The following ANXA2 variants were observed in gnomAD, a reference collection of about 807,000 sequenced individuals.
ANXA2 encodes annexin A2.
Under a neutral mutation model 47.3 loss-of-function variants are expected in ANXA2, and 28 were observed. The ratio of observed to expected loss-of-function variants is 0.59; its 90% CI spans 0.44 to 0.81. The LOEUF is 0.81. ANXA2 is among the 40% of genes least tolerant of loss of function. The pLI is 0.00. For missense variants in ANXA2, 384 were observed against 414.3 expected, an observed-to-expected ratio of 0.93 and a Z score of 0.64; for synonymous variants, 172 against 155.5, an observed-to-expected ratio of 1.11 and a Z score of -0.79.
At position 60,364,335 on chromosome 15, in the gene ANXA2, C is replaced by A. The variant is rs1171148243; in HGVS notation, c.243+94G>T. 6.3e-6 allele frequency: 6 copies of A among 957,976 alleles called. No homozygotes were observed. The Admixed American group carries it at 1.4e-4, about 22-fold the overall frequency. 59.3% of individuals were successfully genotyped at this position (957,976 alleles called of 1,614,324 possible). Reference sequence around the variant, plus strand: ...ATCCAAGGGTCCCACAAGTCTTTTGCGCATGAGAGCCACAATTCATGAAAA... The same window carrying A: ...ATCCAAGGGTCCCACAAGTCTTTTGAGCATGAGAGCCACAATTCATGAAAA... On this transcript the variant is annotated intron_variant, in intron 4 of 12. Coordinates refer to ENST00000451270, the MANE Select transcript of ANXA2 (RefSeq NM_004039.3).
rs757412970 is a variant in ANXA2, at chr15:60,397,864, G to A, written c.-12+79C>T. 10 of 1,385,200 alleles carry A rather than the reference G, an allele frequency of 7.2e-6. No homozygotes were observed. In the Admixed American group the frequency reaches 1.2e-4, roughly 17 times the overall value. 85.8% of individuals were successfully genotyped at this position (1,385,200 alleles called of 1,614,324 possible). On this transcript the variant is annotated intron_variant, in intron 1 of 12. Transcript: ENST00000451270. ...CCAGTTGCCGGGGCCTCCCTGCCAG[G>A]CCGTACCCTTCTTCCCAGCGTCTCC...
rs778671622 is a variant in ANXA2 at position 60,352,503 on chromosome 15, T to G, written c.589-27A>C. The G allele has an allele frequency of 4.0e-6, 6 of 1,518,358 alleles. No homozygotes were observed. The highest frequency in any genetic ancestry group is 5.5e-6 in the Non-Finnish European group (6 of 1,096,818). 94.1% of individuals were successfully genotyped at this position (1,518,358 alleles called of 1,614,324 possible). On this transcript the variant is annotated intron_variant, in intron 8 of 12. Coordinates refer to ENST00000451270, the MANE Select transcript of ANXA2 (RefSeq NM_004039.3). The surrounding 1 kb of genome is among the most constrained non-coding windows in gnomAD (Gnocchi z 4.2). ...TACGAGTACAACCAACCAGGAAAAG[T>G]TAACTACACATCCAATGTAACGTCA...
intron 6 of ANXA2, 82 bp from the exon 7 acceptor site, chr15:60,356,080 A>T (rs769184141): frequency 1.9e-6 from 2 of 1,074,104 alleles, no homozygotes; most frequent in Non-Finnish European, 2.9e-6. Context: ...TCCCACTAAG[A>T]CTCTGAGAAG....
At chr15:60,355,766 C>G (rs751577882) in intron 7 of ANXA2, 153 bp downstream of exon 7, 7 of 735,496 alleles carry the variant, frequency 9.5e-6, no homozygotes, top group Non-Finnish European at 1.5e-5. Flanking sequence ...AAATTGACAA[C>G]TCTGCAGTGA....
At chr15:60,394,932 TG>T (rs773040980) in intron 1 of ANXA2, among the ~76,000 whole-genome samples, 18 of 152,184 alleles carry the variant, frequency 1.2e-4, no homozygotes, top group Non-Finnish European at 2.4e-4. Flanking sequence ...GAATTTCCTC[TG>T]GTGTGGCCTA....
chr15:60,387,122 G>A (rs2062943630), intron 1 of ANXA2: 4 of 152,180 alleles, frequency 2.6e-5, no homozygotes, highest in Admixed American at 2.6e-4. Context: ...CTAACTTATA[G>A]GAACATTTTG....
intron 3 of ANXA2, among the ~76,000 whole-genome samples, chr15:60,364,832 C>T (rs946224437): frequency 6.6e-6 from 1 of 151,724 alleles, no homozygotes; most frequent in African/African-American, 2.4e-5. Flanking sequence ...ATATGTGGGG[C>T]TTTGGCAGTC....
chr15:60,383,320 G>C (rs2062888697), intron 2 of ANXA2: 1 of 152,294 alleles, frequency 6.6e-6, no homozygotes, highest in South Asian at 2.1e-4. Flanking sequence ...GTAGAGACAG[G>C]ATTTCGCCGT....
In ANXA2 at chr15:60,349,186, C is replaced by T. The variant is rs769044999; in HGVS notation, c.849G>A (p.Thr283=). The change falls in exon 12 of 13, where the codon ACG becomes ACA. Residue 283 remains threonine (T), a synonymous_variant. Transcript: ENST00000451270. The stretch of plus-strand genomic sequence containing the variant: ...TGATTCTGATCAGGACCTTATCTCG[C>T]GTCCCCTTGCCCTGAAAATCAAGTT... ...RLYDSMKGKG[T]RDKVLIRIMV... The T allele has an allele frequency of 1.1e-5, 18 of 1,613,838 alleles. No homozygotes were observed. The highest frequency in any genetic ancestry group is 6.7e-5 in the East Asian group (3 of 44,894).
chr15:60,373,883 G>C (rs2062742431), intron 3 of ANXA2, among the ~76,000 whole-genome samples: 1 of 152,244 alleles, frequency 6.6e-6, no homozygotes, highest in Non-Finnish European at 1.5e-5. Context: ...ATGGGGCAAA[G>C]AAAGATAGAG....
At chr15:60,366,190 G>A (rs1050110342) in intron 3 of ANXA2, among the ~76,000 whole-genome samples, 5 of 146,654 alleles carry the variant, frequency 3.4e-5, no homozygotes, top group African/African-American at 5.1e-5. Flanking sequence ...GCGTGATCTC[G>A]GCTCGCTACA....
intron 11 of ANXA2, among the ~76,000 whole-genome samples, chr15:60,349,464 T>C (rs575042268): frequency 6.6e-6 from 1 of 152,254 alleles, no homozygotes; most frequent in East Asian, 1.9e-4. Context: ...TAAATGAATC[T>C]CAAGTTTAGA....
At chr15:60,351,386 G>A (rs538503687) in intron 10 of ANXA2, 135 bp from the exon 11 acceptor site, 14 of 863,698 alleles carry the variant, frequency 1.6e-5, no homozygotes, top group Admixed American at 6.9e-5. Flanking sequence ...AAATAGGACA[G>A]GCTAAGGGAA....
At chr15:60,394,369 C>T (rs1421168883) in intron 1 of ANXA2, among the ~76,000 whole-genome samples, 3 of 152,138 alleles carry the variant, frequency 2.0e-5, no homozygotes, top group African/African-American at 7.2e-5. Context: ...CACTTGGGTG[C>T]TACCGACCTG....
chr15:60,397,452 G>T, intron 1 of ANXA2: 1 of 408,088 alleles, frequency 2.5e-6, no homozygotes, highest in Non-Finnish European at 3.4e-6. Flanking sequence ...CTGCTGGTCG[G>T]TTCAACTCCA....
chr15:60,377,274 G>A (rs1355920424), intron 3 of ANXA2, among the ~76,000 whole-genome samples: 1 of 152,032 alleles, frequency 6.6e-6, no homozygotes, highest in African/African-American at 2.4e-5. Flanking sequence ...GAAGGAGGAA[G>A]GAACAAAAGG....
intron 3 of ANXA2, among the ~76,000 whole-genome samples, chr15:60,376,585 T>C (rs1308269031): frequency 1.3e-5 from 2 of 152,156 alleles, no homozygotes; most frequent in African/African-American, 4.8e-5. Context: ...CTCTCGAGGG[T>C]GCCAGGAGGC....
chr15:60,360,086 G>C (rs771862872), intron 5 of ANXA2, among the ~76,000 whole-genome samples: 1 of 152,106 alleles, frequency 6.6e-6, no homozygotes, highest in African/African-American at 2.4e-5. Context: ...GAGAAATCCC[G>C]TCTCTACTAA....
intron 4 of ANXA2, among the ~76,000 whole-genome samples, chr15:60,363,612 CAAAAT>C (rs1309515084): frequency 6.6e-6 from 1 of 152,106 alleles, no homozygotes; most frequent in Non-Finnish European, 1.5e-5. Flanking sequence ...CTACAACTGA[CAAAAT>C]AAAGGACGAA....
Sources: allele counts gnomAD v4.1 joint callset (sites outside exome capture counted in the v4.1 genomes callset), GRCh38; gene constraint gnomAD v4.1.1; non-coding constraint Gnocchi (gnomAD v3.1); transcripts MANE v1.5; gene names NCBI Gene and HGNC (gene_info 2026-07-23, HGNC 2026-07-21).